ATP11C: variants seen among roughly 807,000 people sequenced by gnomAD.
ATP11C encodes ATPase phospholipid transporting 11C (ATP11C blood group), also known as phospholipid-transporting ATPase IG.
Under a neutral mutation model 97.4 loss-of-function variants are expected in ATP11C, and 36 were observed. That is an observed-to-expected ratio of 0.37 (90% confidence interval 0.28 to 0.49). ATP11C has a LOEUF of 0.49. ATP11C is among the 20% of genes least tolerant of loss of function. The probability of loss-of-function intolerance (pLI) is 0.98; values close to 1 mark genes in which losing one functional copy is unlikely to be tolerated. For missense variants in ATP11C, 730 were observed against 824.6 expected, an observed-to-expected ratio of 0.89 and a Z score of 1.40; for synonymous variants, 275 against 290.9, an observed-to-expected ratio of 0.95 and a Z score of 0.56.
At position 139,827,571 on chromosome X, in the gene ATP11C, T is replaced by C. The variant is rs143962983; in HGVS notation, c.28-748A>G. 4.1e-4 allele frequency among the ~76,000 whole-genome samples: 46 copies of C among 111,576 alleles called. No individual in the cohort carries two copies. In the East Asian group the frequency reaches 0.012, roughly 29 times the overall value. On this transcript the variant is annotated intron_variant, in intron 1 of 29. Coordinates refer to ENST00000682941, the MANE Select transcript of ATP11C (RefSeq NM_001353812.2). Reference sequence around the variant, plus strand: ...CTCACTCTCTTCACTTTAATCAGGATAATACCCTTTTCTTATATAAATTTG... The same window carrying C: ...CTCACTCTCTTCACTTTAATCAGGACAATACCCTTTTCTTATATAAATTTG...
chrX:139,870,386 T>C (rs1037131498), intron 1 of ATP11C, among the ~76,000 whole-genome samples: 4 of 112,366 alleles, frequency 3.6e-5, no homozygotes, highest in African/African-American at 1.3e-4. Flanking sequence ...ATTTTTATTG[T>C]TCCAAATGTT....
At chrX:139,796,974 G>GTT (rs201991676) in intron 11 of ATP11C, among the ~76,000 whole-genome samples, 1 of 109,129 alleles carries the variant, frequency 9.2e-6, no homozygotes, top group African/African-American at 3.3e-5. Flanking sequence ...GAAAATAAAA[G>GTT]TTTTTTTTAC....
intron 1 of ATP11C, among the ~76,000 whole-genome samples, chrX:139,863,266 C>T (rs2084231496): frequency 8.9e-6 from 1 of 112,630 alleles, no homozygotes; most frequent in Non-Finnish European, 1.9e-5. Context: ...GGTGTGGTGG[C>T]TCACACCTGT....
intron 2 of ATP11C, among the ~76,000 whole-genome samples, chrX:139,821,568 C>T (rs1292998782): frequency 8.9e-6 from 1 of 112,411 alleles, no homozygotes; most frequent in Non-Finnish European, 1.9e-5. Context: ...GATATAAACA[C>T]ATCAAAAGGG....
In ATP11C at chrX:139,873,969, T is replaced by A. The variant is rs150342944; in HGVS notation, c.28-47146A>T. Among the ~76,000 whole-genome samples, 136 of 109,349 alleles carry A rather than the reference T, an allele frequency of 1.2e-3. 2 individuals are homozygous for A. The highest frequency in any genetic ancestry group is 0.012 in the East Asian group (41 of 3,476). 95.0% of individuals were successfully genotyped at this position (109,349 alleles called of 115,157 possible). ...ACTTCCAGCTCTACTCCTAAGCAGC[T>A]ATGTAATTTGGGCAACTCATTTATT... On this transcript the variant is annotated intron_variant, in intron 1 of 29. Coordinates refer to ENST00000682941, the MANE Select transcript of ATP11C (RefSeq NM_001353812.2).
In ATP11C at chrX:139,750,052, G is replaced by A; in HGVS notation, c.2801C>T (p.Thr934Ile). 4 of 1,203,865 alleles carry A rather than the reference G, an allele frequency of 3.3e-6. No homozygotes were observed. The highest frequency in any genetic ancestry group is 4.5e-6 in the Non-Finnish European group (4 of 889,805). The change falls in exon 24 of 30, where the codon ACT (threonine) becomes ATT (isoleucine). Residue 934 changes from threonine to isoleucine, a missense_variant. Thr to Ile is a moderately conservative substitution (Grantham distance 89). Coordinates refer to ENST00000682941, the MANE Select transcript of ATP11C (RefSeq NM_001353812.2). ...ATACAATCGGGGATCTGAGGTCAGAGTGTCAATGTTGATGTGCTGTTCCAG... is the reference window on the plus strand; with the variant it reads ...ATACAATCGGGGATCTGAGGTCAGAATGTCAATGTTGATGTGCTGTTCCAG... ...SLLEQHINID[T>I]LTSDPRLYMK...
At chrX:139,845,506 T>C (rs948262064) in intron 1 of ATP11C, among the ~76,000 whole-genome samples, 2 of 111,973 alleles carry the variant, frequency 1.8e-5, no homozygotes, top group African/African-American at 3.2e-5. Flanking sequence ...TCTGAATATA[T>C]AGTTCAATTA....
intron 23 of ATP11C, among the ~76,000 whole-genome samples, chrX:139,753,422 T>C (rs1190005566): frequency 9.0e-6 from 1 of 111,729 alleles, no homozygotes; most frequent in East Asian, 2.8e-4. Flanking sequence ...TTAAAACTAA[T>C]GAAGAACAAA....
chrX:139,874,472 A>G (rs1324065773), intron 1 of ATP11C, among the ~76,000 whole-genome samples: 1 of 111,431 alleles, frequency 9.0e-6, no homozygotes, highest in African/African-American at 3.3e-5. Context: ...AACCACATTA[A>G]TATAAAAAGT....
intron 1 of ATP11C, among the ~76,000 whole-genome samples, chrX:139,914,027 G>A (rs756746400): frequency 1.8e-5 from 2 of 111,615 alleles, no homozygotes; most frequent in South Asian, 3.8e-4. Flanking sequence ...CAAAAGATTC[G>A]CTCACTCGTA....
rs760372147 is a variant in ATP11C, at chrX:139,781,249, C to T, written c.1952+1298G>A. Reference sequence around the variant, plus strand: ...TCATTAGAGTTTCAATACCTTTTAACGTGACTAAACATATGTTTGTAACTT... The same window carrying T: ...TCATTAGAGTTTCAATACCTTTTAATGTGACTAAACATATGTTTGTAACTT... On this transcript the variant is annotated intron_variant, in intron 18 of 29. Transcript: ENST00000682941. Among the ~76,000 whole-genome samples, 4 of 111,863 alleles carry T rather than the reference C, an allele frequency of 3.6e-5. No homozygotes were observed. In the South Asian group the frequency reaches 1.5e-3, roughly 42 times the overall value.
Position 139,731,726 on chromosome X carries a change from G to C in ATP11C, c.3318C>G (p.Asp1106Glu), listed in dbSNP as rs1447781730. The C allele has an allele frequency of 8.4e-7, 1 of 1,193,795 alleles. No homozygotes were observed. Among genetic ancestry groups the C allele is most frequent in the South Asian group, 1.8e-5 (1 of 54,762 alleles). ...RRNLSCRRAS[D>E]SLSARPSVRP... ...TGACTGAAGGTCTGGCGGATAATGA[G>C]TCAGATGCCCTTCTACAGCTCAGAT... Residue 1106 changes from aspartate to glutamate, a missense_variant, in exon 29 of 30, where the codon GAC (aspartate) becomes GAG (glutamate). Coordinates refer to ENST00000682941, the MANE Select transcript of ATP11C (RefSeq NM_001353812.2).
intron 19 of ATP11C, among the ~76,000 whole-genome samples, chrX:139,769,936 C>A (rs1204901975): frequency 9.0e-6 from 1 of 111,724 alleles, no homozygotes. Flanking sequence ...GCCTAATATA[C>A]CTCATCATTC....
At chrX:139,772,455 A>G (rs2082272550) in intron 19 of ATP11C, among the ~76,000 whole-genome samples, 1 of 111,491 alleles carries the variant, frequency 9.0e-6, no homozygotes, top group African/African-American at 3.3e-5. Context: ...ACCATCCTCC[A>G]GACCCCAGAA....
intron 22 of ATP11C, among the ~76,000 whole-genome samples, chrX:139,760,399 A>C (rs765994971): frequency 8.9e-4 from 98 of 110,621 alleles, no homozygotes; most frequent in Non-Finnish European, 1.3e-3. Flanking sequence ...AACTGGGTTC[A>C]TAGTTTTATA....
intron 1 of ATP11C, among the ~76,000 whole-genome samples, chrX:139,889,262 T>C (rs1427651106): frequency 8.9e-6 from 1 of 112,011 alleles, no homozygotes; most frequent in Non-Finnish European, 1.9e-5. Flanking sequence ...ACTGGATAAA[T>C]GCAAGGACAT....
rs760480027 is a variant in ATP11C at position 139,915,562 on chromosome X, C to T, written c.27+16454G>A. The stretch of plus-strand genomic sequence containing the variant: ...GTGCACGTCTGTAATCCTAGCTACT[C>T]GGGAGGCTGAGGCACGAAAATAATT... On this transcript the variant is annotated intron_variant, in intron 1 of 29. Transcript: ENST00000682941. Among the ~76,000 whole-genome samples, 25 of 109,613 alleles carry T rather than the reference C, an allele frequency of 2.3e-4. 1 individual carries two copies. The East Asian group carries it at 5.5e-3, about 24-fold the overall frequency.
At position 139,885,245 on chromosome X, in the gene ATP11C, C is replaced by T. The variant is rs183213995; in HGVS notation, c.27+46771G>A. Among the ~76,000 whole-genome samples the T allele has an allele frequency of 5.4e-3, 593 of 110,767 alleles. 1 individual carries two copies. Among genetic ancestry groups the T allele is most frequent in the Non-Finnish European group, 8.8e-3 (466 of 52,943 alleles). On this transcript the variant is annotated intron_variant, in intron 1 of 29. Coordinates refer to ENST00000682941, the MANE Select transcript of ATP11C (RefSeq NM_001353812.2). ...GCGATACCATACAGTGAGCTAATAA[C>T]GGTTTTATCCAAAACACCTGCATTT...
At chrX:139,927,422 T>C (rs1005369845) in intron 1 of ATP11C, among the ~76,000 whole-genome samples, 3 of 111,027 alleles carry the variant, frequency 2.7e-5, no homozygotes, top group African/African-American at 9.8e-5. Flanking sequence ...GCCAACATGG[T>C]GAAACCCCGT....
Sources: gnomAD v4.1 joint callset for allele counts (sites outside exome capture counted in the v4.1 genomes callset) on GRCh38, gnomAD v4.1.1 for gene constraint, MANE v1.5 for transcripts, NCBI Gene and HGNC (gene_info 2026-07-23, HGNC 2026-07-21) for gene names.